CSMD1: variants seen among roughly 807,000 people sequenced by gnomAD.
CSMD1 encodes the protein CUB and sushi domain-containing protein 1.
A neutral mutation model predicts 417.5 loss-of-function variants in CSMD1; 213 were observed. The observed-to-expected ratio is 0.51, with a 90% confidence interval of 0.46 to 0.57. The LOEUF (loss-of-function observed/expected upper bound fraction) is 0.57, where lower values mean the gene tolerates loss of function less well. Among genes scored for constraint, CSMD1 ranks in the 20% least tolerant of loss-of-function variants. The pLI is 0.00. For missense variants in CSMD1, 6,923 were observed against 4,529.7 expected, an observed-to-expected ratio of 1.53 and a Z score of -15.17; for synonymous variants, 2,862 against 1,736.8, an observed-to-expected ratio of 1.65 and a Z score of -16.11.
chr8:3,422,108 A>C (rs1348752950), intron 12 of CSMD1, among the ~76,000 whole-genome samples: 1 of 151,982 alleles, frequency 6.6e-6, no homozygotes, highest in Non-Finnish European at 1.5e-5. Flanking sequence ...CCATGACTAG[A>C]TGATCAATGA....
At chr8:4,399,147 C>CTT (rs1804469098) in intron 3 of CSMD1, among the ~76,000 whole-genome samples, 1 of 152,118 alleles carries the variant, frequency 6.6e-6, no homozygotes, top group Admixed American at 6.5e-5. Flanking sequence ...AATGATAAAA[C>CTT]TTTGTGTGAT....
At chr8:4,017,841 T>A (rs74460035) in intron 4 of CSMD1, among the ~76,000 whole-genome samples, 3,657 of 152,248 alleles carry the variant, frequency 0.024, 65 homozygotes, top group Non-Finnish European at 0.035. Context: ...TTTGGGTGAC[T>A]GTATATCTGG....
At chr8:3,733,313 C>G (rs533029632) in intron 6 of CSMD1, among the ~76,000 whole-genome samples, 25 of 146,134 alleles carry the variant, frequency 1.7e-4, no homozygotes, top group African/African-American at 6.0e-4. Flanking sequence ...TATACACATA[C>G]ATATATGTAC....
At chr8:3,652,536 G>A (rs766248458) in intron 7 of CSMD1, among the ~76,000 whole-genome samples, 13 of 152,192 alleles carry the variant, frequency 8.5e-5, no homozygotes, top group Non-Finnish European at 1.5e-4. Context: ...AGCATGGCTG[G>A]GGAGGCCTCA....
intron 40 of CSMD1, among the ~76,000 whole-genome samples, chr8:3,143,705 GA>G (rs1359234507): frequency 6.6e-6 from 1 of 152,130 alleles, no homozygotes; most frequent in African/African-American, 2.4e-5. Flanking sequence ...CAGTATAAAA[GA>G]AAGCTTTACT....
intron 2 of CSMD1, among the ~76,000 whole-genome samples, chr8:4,520,485 T>C (rs758891106): frequency 1.1e-4 from 16 of 152,090 alleles, no homozygotes; most frequent in Non-Finnish European, 2.2e-4. Flanking sequence ...GAAGATGAAA[T>C]GGGTCACACA....
chr8:4,400,713 G>C (rs1367275575), intron 3 of CSMD1, among the ~76,000 whole-genome samples: 1 of 149,698 alleles, frequency 6.7e-6, no homozygotes, highest in East Asian at 1.9e-4. Context: ...TTTTTTAATG[G>C]ACACTTTGTT....
Position 4,351,864 on chromosome 8 carries a change from T to C in CSMD1, c.415+68089A>G, listed in dbSNP as rs150480336. Among the ~76,000 whole-genome samples the C allele has an allele frequency of 6.9e-3, 1,046 of 151,780 alleles. 16 individuals are homozygous for C. The highest frequency in any genetic ancestry group is 0.024 in the African/African-American group (1,003 of 41,318). ...GATGTCCAGGACCCTGGTCATTATA[T>C]ACGACAGGACTTGTATGTGGATTAC... On this transcript the variant is annotated intron_variant, in intron 3 of 69. Transcript: ENST00000635120.
chr8:2,950,371 A>G (rs753168036), intron 66 of CSMD1, 28 bp from the exon 67 acceptor site: 2 of 1,412,290 alleles, frequency 1.4e-6, no homozygotes, highest in Non-Finnish European at 2.0e-6. Context: ...GTTTAGGCTT[A>G]CCTTGGAGAA....
intron 4 of CSMD1, among the ~76,000 whole-genome samples, chr8:4,004,710 G>T (rs1016946437): frequency 6.6e-6 from 1 of 151,920 alleles, no homozygotes. Context: ...AGTTGACCTG[G>T]ATGAGATTGG....
chr8:3,180,880 G>C lies in CSMD1; in HGVS notation c.5725+230C>G, dbSNP rs76780354. 6.2e-3 allele frequency among the ~76,000 whole-genome samples: 941 copies of C among 152,178 alleles called. 10 individuals are homozygous for C. The highest frequency in any genetic ancestry group is 0.021 in the African/African-American group (870 of 41,518). On this transcript the variant is annotated intron_variant, in intron 37 of 69. Transcript: ENST00000635120. ...CCTGGTCTTGAACACCTGATGTCTG[G>C]TGATCCGCCCACCTCTTCCTCCCAA...
At chr8:3,981,165 AG>A (rs1277103104) in intron 5 of CSMD1, among the ~76,000 whole-genome samples, 1 of 152,228 alleles carries the variant, frequency 6.6e-6, no homozygotes, top group East Asian at 1.9e-4. Context: ...TGCATGTACA[AG>A]AGACTCCAAG....
At position 3,325,405 on chromosome 8, in the gene CSMD1, G is replaced by A. The variant is rs540073940; in HGVS notation, c.3632-16902C>T. On this transcript the variant is annotated intron_variant, in intron 23 of 69. Coordinates refer to ENST00000635120, the MANE Select transcript of CSMD1 (RefSeq NM_033225.6). ...CTTCATTTTATTTCACACTTAAGTC[G>A]TAAGCCTTGAGTTGGATCCTCATAA... 4.3e-4 allele frequency among the ~76,000 whole-genome samples: 66 copies of A among 152,268 alleles called. 1 individual carries two copies. The highest frequency in any genetic ancestry group is 3.4e-3 in the Middle Eastern group (1 of 294).
chr8:4,706,781 C>A (rs2256976), intron 1 of CSMD1, among the ~76,000 whole-genome samples: 138,541 of 152,316 alleles, frequency 0.91, 63,080 homozygotes, highest in East Asian at 0.99. Flanking sequence ...CAACAGAAGA[C>A]GCATTTGAGA....
chr8:4,281,314 C>T (rs1796770339), intron 3 of CSMD1, among the ~76,000 whole-genome samples: 1 of 152,330 alleles, frequency 6.6e-6, no homozygotes, highest in East Asian at 1.9e-4. Context: ...CTGATAGTAA[C>T]TGCGAGAACA....
intron 2 of CSMD1, among the ~76,000 whole-genome samples, chr8:4,602,706 G>T (rs1585315687): frequency 6.6e-6 from 1 of 152,132 alleles, no homozygotes; most frequent in Non-Finnish European, 1.5e-5. Context: ...GATCTTCATT[G>T]TTGTTATCTA....
intron 5 of CSMD1, among the ~76,000 whole-genome samples, chr8:3,810,956 G>C (rs1212589150): frequency 2.0e-5 from 3 of 152,096 alleles, no homozygotes; most frequent in African/African-American, 7.2e-5. Context: ...AATAACGTTT[G>C]TTCTTTATTA....
In CSMD1 at chr8:4,539,376, G is replaced by A. The variant is rs182229340; in HGVS notation, c.302+97966C>T. Among the ~76,000 whole-genome samples, 916 of 152,258 alleles carry A rather than the reference G, an allele frequency of 6.0e-3. 7 individuals are homozygous for A. Among genetic ancestry groups the A allele is most frequent in the Middle Eastern group, 0.014 (4 of 294 alleles). On this transcript the variant is annotated intron_variant, in intron 2 of 69. Transcript: ENST00000635120. Reference sequence around the variant, plus strand: ...ACTAAGCCCATGGATCAGCAGGAATGTTTTTGGAGTGTTCCCACAGAATCA... The same window carrying A: ...ACTAAGCCCATGGATCAGCAGGAATATTTTTGGAGTGTTCCCACAGAATCA...
At chr8:3,986,549 TA>T (rs1415124472) in intron 5 of CSMD1, among the ~76,000 whole-genome samples, 2 of 152,212 alleles carry the variant, frequency 1.3e-5, no homozygotes, top group Non-Finnish European at 2.9e-5. Flanking sequence ...CAGACCCGTA[TA>T]AATTATAAGT....
Sources: allele counts gnomAD v4.1 joint callset (sites outside exome capture counted in the v4.1 genomes callset), GRCh38; gene constraint gnomAD v4.1.1; transcripts MANE v1.5; gene names NCBI Gene and HGNC (gene_info 2026-07-23, HGNC 2026-07-21).